The following RADIL variants were observed in gnomAD, a reference collection of about 807,000 sequenced individuals.
The protein encoded by RADIL is Rap associating with DIL domain.
In RADIL, 99 loss-of-function variants were observed where a neutral mutation model predicts 97.6. The observed-to-expected ratio is 1.01, with a 90% CI of 0.86 to 1.20. The LOEUF (loss-of-function observed/expected upper bound fraction) is 1.20, where lower values mean the gene tolerates loss of function less well. RADIL is among the 50% of genes most tolerant of loss of function. The pLI, the probability that RADIL is intolerant of heterozygous loss-of-function variation, is 0.00. For synonymous variants in RADIL, 803 were observed against 691.8 expected (o/e 1.16, Z -2.52); for missense variants, 1,765 against 1,498.9 (o/e 1.18, Z -2.93).
chr7:4,811,049 A>C (rs561730595), intron 9 of RADIL: 1 of 152,246 alleles, frequency 6.6e-6, no homozygotes, highest in African/African-American at 2.4e-5. Flanking sequence ...AGGCAGGAGA[A>C]TTGCTTGAAC....
rs144419597 is a variant in RADIL, at chr7:4,823,710, T to C, written c.1455-1156A>G. On this transcript the variant is annotated intron_variant, in intron 5 of 14. Coordinates refer to ENST00000399583, the MANE Select transcript of RADIL (RefSeq NM_018059.5). ...TTCCAAGCTCAGAGCTCCCAAACCC[T>C]TTCTCCCACATCTCTGGCACCAGCC... Among the ~76,000 whole-genome samples the C allele has an allele frequency of 3.0e-4, 46 of 152,324 alleles. 1 individual carries two copies. In the East Asian group the frequency reaches 8.7e-3, roughly 29 times the overall value.
In RADIL at chr7:4,872,831, A is replaced by G. The variant is rs79774657; in HGVS notation, c.535+4774T>C. 7.6e-3 allele frequency among the ~76,000 whole-genome samples: 1,156 copies of G among 151,934 alleles called. 13 individuals carry two copies. Among genetic ancestry groups the G allele is most frequent in the African/African-American group, 0.027 (1,105 of 41,414 alleles). ...GCCTGGCTGACACCTTCCCCACCAG[A>G]CTCTGTAGGGGAGTCCGAGGTGAGG... is the stretch of plus-strand genomic sequence containing the variant. On this transcript the variant is annotated intron_variant, in intron 2 of 14. Coordinates refer to ENST00000399583, the MANE Select transcript of RADIL (RefSeq NM_018059.5). The surrounding 1 kb of genome is among the most constrained non-coding windows in gnomAD (Gnocchi z 5.8).
At position 4,837,603 on chromosome 7, in the gene RADIL, A is replaced by G. The variant is rs987033857; in HGVS notation, c.536-998T>C. 6.6e-6 allele frequency among the ~76,000 whole-genome samples: 1 copy of G among 152,156 alleles called. No homozygotes were observed. Among genetic ancestry groups the G allele is most frequent in the Non-Finnish European group, 1.5e-5 (1 of 68,024 alleles). ...TACACATGCACCCACACAAAAATGCACACACACATGCACACACATGCACCC... is the reference window on the plus strand; with the variant it reads ...TACACATGCACCCACACAAAAATGCGCACACACATGCACACACATGCACCC... On this transcript the variant is annotated intron_variant, in intron 2 of 14. Transcript: ENST00000399583. The surrounding 1 kb of genome is among the most constrained non-coding windows in gnomAD (Gnocchi z 5.6).
In RADIL at chr7:4,821,835, G is replaced by A. The variant is rs970249348; in HGVS notation, c.1615+559C>T. ...CGCACCATTGCACTCCAGCCTGGGT[G>A]ACAGAGCGAGACTCCGTCTCAAAAA... On this transcript the variant is annotated intron_variant, in intron 6 of 14. Coordinates refer to ENST00000399583, the MANE Select transcript of RADIL (RefSeq NM_018059.5). The surrounding 1 kb of genome is among the most constrained non-coding windows in gnomAD (Gnocchi z 5.2). Among the ~76,000 whole-genome samples, 12 of 152,142 alleles carry A rather than the reference G, an allele frequency of 7.9e-5. No homozygotes were observed. Among genetic ancestry groups the A allele is most frequent in the Non-Finnish European group, 1.5e-4 (10 of 68,030 alleles).
rs113375331 is a variant in RADIL at position 4,854,218 on chromosome 7, G to GT, written c.536-17614_536-17613insA. On this transcript the variant is annotated intron_variant, in intron 2 of 14. Coordinates refer to ENST00000399583, the MANE Select transcript of RADIL (RefSeq NM_018059.5). The surrounding 1 kb of genome is among the most constrained non-coding windows in gnomAD (Gnocchi z 5.1). ...GAAAAAGCCTGGTCCCTGGTGACCA[G>GT]GAAAGCCACCGTTACCAGCCCCGAA... Among the ~76,000 whole-genome samples, 4,043 of 152,266 alleles carry GT rather than the reference G, an allele frequency of 0.027. 170 individuals carry two copies. Among genetic ancestry groups the GT allele is most frequent in the African/African-American group, 0.09 (3,744 of 41,524 alleles).
At chr7:4,869,617 A>G (rs1033115869) in intron 2 of RADIL, among the ~76,000 whole-genome samples, 1 of 151,268 alleles carries the variant, frequency 6.6e-6, no homozygotes, top group Non-Finnish European at 1.5e-5. Context: ...TTTATGATGC[A>G]TGCTATAGCC....
At chr7:4,860,708 A>C in intron 2 of RADIL, 1 of 1,614,166 alleles carries the variant, frequency 6.2e-7, no homozygotes, top group African/African-American at 1.3e-5. Context: ...CTTTTGAAAG[A>C]AGCTTGGAGC....
intron 2 of RADIL, among the ~76,000 whole-genome samples, chr7:4,875,830 C>T (rs182175586): frequency 5.3e-5 from 8 of 152,226 alleles, no homozygotes; most frequent in Admixed American, 5.2e-4. Context: ...ACCGGATCAC[C>T]GGTCCTTCCA....
Position 4,814,736 on chromosome 7 carries a change from C to T in RADIL, c.2139+542G>A, listed in dbSNP as rs138689895. Among the ~76,000 whole-genome samples the T allele has an allele frequency of 7.2e-4, 109 of 152,282 alleles. No individual in the cohort carries two copies. The Middle Eastern group carries it at 0.01, about 14-fold the overall frequency. On this transcript the variant is annotated intron_variant, in intron 9 of 14. Coordinates refer to ENST00000399583, the MANE Select transcript of RADIL (RefSeq NM_018059.5). The surrounding 1 kb of genome is among the most constrained non-coding windows in gnomAD (Gnocchi z 4.5). ...AGAGCTGACAGCAAGATGAAGCCCCCGGGGGAGGATCTGTCTCCCTGCTCT... is the reference window on the plus strand; with the variant it reads ...AGAGCTGACAGCAAGATGAAGCCCCTGGGGGAGGATCTGTCTCCCTGCTCT...
intron 2 of RADIL, chr7:4,860,777 C>T (rs1488747595): frequency 6.2e-7 from 1 of 1,613,922 alleles, no homozygotes; most frequent in Non-Finnish European, 8.5e-7. Flanking sequence ...GATAGCAAGC[C>T]CCTGTTTAAA....
In RADIL at chr7:4,824,426, G is replaced by A. The variant is rs990489109; in HGVS notation, c.1455-1872C>T. Among the ~76,000 whole-genome samples the A allele has an allele frequency of 7.2e-5, 11 of 152,252 alleles. No individual in the cohort carries two copies. Among genetic ancestry groups the A allele is most frequent in the African/African-American group, 2.4e-4 (10 of 41,472 alleles). ...ATGCCACCAGGACCTTAAGGCAGCC[G>A]GTTTGTGAGGGCATCTGGGAAGGGC... On this transcript the variant is annotated intron_variant, in intron 5 of 14. Coordinates refer to ENST00000399583, the MANE Select transcript of RADIL (RefSeq NM_018059.5). This position sits in a 1 kb window ranked among gnomAD's most constrained non-coding sequence, Gnocchi z 6.7.
At chr7:4,841,552 C>T (rs112122358) in intron 2 of RADIL, among the ~76,000 whole-genome samples, 57 of 152,276 alleles carry the variant, frequency 3.7e-4, no homozygotes, top group African/African-American at 1.3e-3. Context: ...CAGAGGAAGC[C>T]GGCGGGCGCG....
intron 2 of RADIL, among the ~76,000 whole-genome samples, chr7:4,868,208 G>A (rs537859489): frequency 3.9e-4 from 60 of 152,066 alleles, no homozygotes; most frequent in African/African-American, 1.3e-3. Context: ...GACTACAGGC[G>A]CCCGCCACCA....
intron 2 of RADIL, among the ~76,000 whole-genome samples, chr7:4,856,073 T>C (rs1411840013): frequency 6.6e-6 from 1 of 151,386 alleles, no homozygotes; most frequent in East Asian, 1.9e-4. Flanking sequence ...CCTCCCAAAA[T>C]GCTTGGCTTA....
rs895458314 is a variant in RADIL at position 4,860,121 on chromosome 7, T to C, written c.535+17484A>G. ...GCCTGTATGTTAGCCACAGATGCTG[T>C]CATTACAGCCAAGGCAGGACTGTTT... On this transcript the variant is annotated intron_variant, in intron 2 of 14. Coordinates refer to ENST00000399583, the MANE Select transcript of RADIL (RefSeq NM_018059.5). 7.4e-6 allele frequency: 12 copies of C among 1,614,052 alleles called. No homozygotes were observed. Among genetic ancestry groups the C allele is most frequent in the African/African-American group, 1.3e-5 (1 of 75,058 alleles).
chr7:4,865,673 T>A (rs989996172), intron 2 of RADIL: 1 of 974,036 alleles, frequency 1.0e-6, no homozygotes, highest in African/African-American at 1.6e-5. Context: ...GATCCTTTCT[T>A]GCAAAAACTG....
chr7:4,836,654 AG>A, intron 2 of RADIL, 49 bp from the exon 3 acceptor site: 2 of 1,598,642 alleles, frequency 1.3e-6, no homozygotes, highest in Non-Finnish European at 1.7e-6. Flanking sequence ...TCATAGCACC[AG>A]GACTGGGCGC....
intron 2 of RADIL, chr7:4,865,388 T>G (rs1421993914): frequency 6.4e-6 from 4 of 624,388 alleles, no homozygotes; most frequent in Non-Finnish European, 1.2e-5. Context: ...GTTCCCAAGT[T>G]TTATTCAAGA....
At chr7:4,868,068 G>T (rs897920088) in intron 2 of RADIL, among the ~76,000 whole-genome samples, 38 of 149,832 alleles carry the variant, frequency 2.5e-4, no homozygotes, top group Admixed American at 6.7e-4. Context: ...AATGAACTGT[G>T]TTTTTTTTTT....
Sources: allele counts gnomAD v4.1 joint callset (sites outside exome capture counted in the v4.1 genomes callset), GRCh38; gene constraint gnomAD v4.1.1; non-coding constraint Gnocchi (gnomAD v3.1); transcripts MANE v1.5; gene names NCBI Gene and HGNC (gene_info 2026-07-23, HGNC 2026-07-21).